TANC2: variants seen among roughly 807,000 people sequenced by gnomAD.
The protein encoded by TANC2 is tetratricopeptide repeat, ankyrin repeat and coiled-coil containing 2.
TANC2 carries 26 observed loss-of-function variants against 210.5 expected under a neutral mutation model. The ratio of observed to expected loss-of-function variants is 0.12; its 90% confidence interval spans 0.09 to 0.17. The LOEUF is 0.17. TANC2 is among the 10% of genes least tolerant of loss of function. TANC2 has a pLI of 1.00. For missense variants in TANC2, 2,129 were observed against 2,608.9 expected (o/e 0.82, Z 4.01); for synonymous variants, 931 against 967.1 (o/e 0.96, Z 0.69).
rs555549123 is a variant in TANC2 at position 63,312,436 on chromosome 17, C to T, written c.1160-1952C>T. 1.3e-4 allele frequency among the ~76,000 whole-genome samples: 20 copies of T among 152,232 alleles called. No homozygotes were observed. The South Asian group carries it at 2.5e-3, about 19-fold the overall frequency. ...CAGGATCATGGATGCAGCTAAAGGT[C>T]ATTATCCTAAGTGAATTAACACAGG... On this transcript the variant is annotated intron_variant, in intron 9 of 27. Transcript: ENST00000689528.
At chr17:63,229,896 C>T (rs945600407) in intron 7 of TANC2, among the ~76,000 whole-genome samples, 2 of 151,620 alleles carry the variant, frequency 1.3e-5, no homozygotes, top group African/African-American at 4.9e-5. Flanking sequence ...CAGCCTCAAG[C>T]GATTTTCATG....
At chr17:63,317,235 G>A (rs1233983281) in intron 10 of TANC2, among the ~76,000 whole-genome samples, 1 of 152,134 alleles carries the variant, frequency 6.6e-6, no homozygotes, top group East Asian at 1.9e-4. Flanking sequence ...CACTGCTGTG[G>A]AAGATAGGAG....
intron 2 of TANC2, among the ~76,000 whole-genome samples, chr17:63,050,087 C>A (rs954995634): frequency 6.6e-6 from 1 of 152,092 alleles, no homozygotes; most frequent in Non-Finnish European, 1.5e-5. Flanking sequence ...CACAGTGGCT[C>A]ACACATGTAA....
chr17:63,420,887 A>G lies in TANC2; in HGVS notation c.5157A>G (p.Gln1719=). 6.2e-7 allele frequency: 1 copy of G among 1,614,070 alleles called. No individual in the cohort carries two copies. Among genetic ancestry groups the G allele is most frequent in the Non-Finnish European group, 8.5e-7 (1 of 1,179,900 alleles). The change falls in exon 28 of 28, where the codon CAA becomes CAG. Residue 1719 remains glutamine, a synonymous_variant. Coordinates refer to ENST00000689528, the Ensembl canonical transcript of TANC2. This position sits in a 1 kb window ranked among gnomAD's most constrained non-coding sequence, Gnocchi z 4.2. ...TCATCCCCACAGGAGCCTATGGCCA[A>G]GTAGCCCATTCAATGGCCAGTAAAT...
At chr17:63,251,450 G>A (rs184423385) in intron 8 of TANC2, among the ~76,000 whole-genome samples, 2 of 152,284 alleles carry the variant, frequency 1.3e-5, no homozygotes, top group African/African-American at 4.8e-5. Flanking sequence ...ACAGAAGTTT[G>A]TGTCTCCTGG....
At chr17:63,129,755 T>C (rs1026737886) in intron 4 of TANC2, among the ~76,000 whole-genome samples, 1 of 152,098 alleles carries the variant, frequency 6.6e-6, no homozygotes, top group Non-Finnish European at 1.5e-5. Flanking sequence ...CCACCTTATA[T>C]TTTCTTTATA....
chr17:63,305,823 C>T (rs763111836), intron 9 of TANC2, among the ~76,000 whole-genome samples: 9 of 152,180 alleles, frequency 5.9e-5, no homozygotes, highest in Admixed American at 3.9e-4. Flanking sequence ...CATTTCAGGT[C>T]AAAGGGACAA....
intron 5 of TANC2, among the ~76,000 whole-genome samples, chr17:63,190,148 A>G (rs888905335): frequency 2.0e-5 from 3 of 152,126 alleles, no homozygotes; most frequent in African/African-American, 7.2e-5. Context: ...CAGCCTGGGC[A>G]ACATAATGAG....
intron 1 of TANC2, chr17:62,968,444 A>G (rs1032108052): frequency 2.0e-5 from 3 of 152,094 alleles, no homozygotes; most frequent in African/African-American, 7.2e-5. Flanking sequence ...ACAAAAATAG[A>G]TTTTCCTTGG....
chr17:63,383,380 C>G (rs1032386450), intron 15 of TANC2, among the ~76,000 whole-genome samples: 2 of 152,216 alleles, frequency 1.3e-5, no homozygotes, highest in Non-Finnish European at 2.9e-5. Context: ...TTACCCTCCT[C>G]AACCCCTGGC....
At chr17:63,204,984 C>T (rs1346854343) in intron 7 of TANC2, among the ~76,000 whole-genome samples, 1 of 152,052 alleles carries the variant, frequency 6.6e-6, no homozygotes, top group Admixed American at 6.6e-5. Flanking sequence ...ACTGGGGAGG[C>T]TGAGGCAGGA....
chr17:62,973,890 A>G (rs2031850741), intron 1 of TANC2, among the ~76,000 whole-genome samples: 1 of 152,244 alleles, frequency 6.6e-6, no homozygotes, highest in Non-Finnish European at 1.5e-5. Context: ...TTCAAATTTC[A>G]TTGTCCATAA....
chr17:63,415,817 A>G (rs1281320843), intron 26 of TANC2, 143 bp downstream of exon 26: 21 of 956,378 alleles, frequency 2.2e-5, no homozygotes, highest in Middle Eastern at 3.4e-4. Context: ...GACATTTGCA[A>G]TTTGAAAGAA....
intron 2 of TANC2, among the ~76,000 whole-genome samples, chr17:63,063,397 A>C (rs966622545): frequency 1.3e-5 from 2 of 152,150 alleles, no homozygotes; most frequent in African/African-American, 4.8e-5. Context: ...GCTTCTAATC[A>C]TGGCTTGGTC....
chr17:63,051,585 A>G (rs2035584135), intron 2 of TANC2, among the ~76,000 whole-genome samples: 1 of 152,154 alleles, frequency 6.6e-6, no homozygotes, highest in Non-Finnish European at 1.5e-5. Context: ...CATAAATTAA[A>G]CTTTATTATA....
rs192815775 is a variant in TANC2, at chr17:63,167,684, A to C, written c.433+16304A>C. Among the ~76,000 whole-genome samples the C allele has an allele frequency of 2.0e-4, 30 of 152,178 alleles. 1 individual carries two copies. The highest frequency in any genetic ancestry group is 2.0e-3 in the Admixed American group (30 of 15,294). On this transcript the variant is annotated intron_variant, in intron 5 of 27. Transcript: ENST00000689528. ...TTGCCCAGTGTAATAGTTTTATGTG[A>C]AAACTAGTCTGAACAAACCAAAATT...
intron 7 of TANC2, among the ~76,000 whole-genome samples, chr17:63,212,818 C>T (rs1254862790): frequency 1.3e-5 from 2 of 152,260 alleles, no homozygotes; most frequent in South Asian, 2.1e-4. Flanking sequence ...GTCTTTGTGC[C>T]ACAAATTAAC....
At chr17:63,083,054 G>A (rs891207118) in intron 3 of TANC2, among the ~76,000 whole-genome samples, 1 of 152,158 alleles carries the variant, frequency 6.6e-6, no homozygotes, top group Non-Finnish European at 1.5e-5. Context: ...GTATAGAACA[G>A]TACCTCTGTT....
intron 5 of TANC2, among the ~76,000 whole-genome samples, chr17:63,180,054 T>C (rs1264432924): frequency 6.6e-6 from 1 of 151,334 alleles, no homozygotes; most frequent in African/African-American, 2.4e-5. Flanking sequence ...AGTGGGAGGA[T>C]TGCTTGGGCC....
Sources: allele counts gnomAD v4.1 joint callset (sites outside exome capture counted in the v4.1 genomes callset), GRCh38; gene constraint gnomAD v4.1.1; non-coding constraint Gnocchi (gnomAD v3.1); transcripts MANE v1.5; gene names NCBI Gene and HGNC (gene_info 2026-07-23, HGNC 2026-07-21).